Variants in ATRN observed in about 807,000 individuals in gnomAD.
The protein encoded by ATRN is attractin, also known as attractin-2.
Under a neutral mutation model 178.7 loss-of-function variants are expected in ATRN, and 54 were observed. The observed-to-expected ratio is 0.30, with a 90% CI of 0.24 to 0.38. ATRN has a LOEUF of 0.38. Ranked by LOEUF, ATRN falls within the 10% of genes least tolerant of loss-of-function variation. The pLI, the probability that ATRN is intolerant of heterozygous loss-of-function variation, is 1.00. For synonymous variants in ATRN, 636 were observed against 663.0 expected (o/e 0.96, Z 0.63); for missense variants, 1,443 against 1,815.1 (o/e 0.79, Z 3.73).
intron 1 of ATRN, among the ~76,000 whole-genome samples, chr20:3,495,037 A>G (rs927133151): frequency 6.6e-6 from 1 of 152,206 alleles, no homozygotes; most frequent in African/African-American, 2.4e-5. Flanking sequence ...TTATAATGTT[A>G]TATCATTTAT....
In ATRN at chr20:3,560,822, A is replaced by G; in HGVS notation, c.1364A>G (p.Lys455Arg). ...VGHSAHIVTL[K>R]NGRVVMLVIF... ...CACTCTGCACACATTGTTACACTGAAGAATGGCCGAGTGGTCATGCTGGTC... is the reference window on the plus strand; with the variant it reads ...CACTCTGCACACATTGTTACACTGAGGAATGGCCGAGTGGTCATGCTGGTC... Residue 455 changes from lysine to arginine, a missense_variant, in exon 8 of 29, where the codon AAG becomes AGG. By Grantham distance (26) the Lys-to-Arg change is conservative. Around this residue, in one of 4 missense-constraint regions of ATRN, gnomAD observed 862 missense variants for 972.1 expected, o/e 0.89. Coordinates refer to ENST00000262919, the MANE Select transcript of ATRN (RefSeq NM_139321.3). 1 of 1,614,206 alleles carries G rather than the reference A, an allele frequency of 6.2e-7. No individual in the cohort carries two copies.
chr20:3,471,356 C>CGCGGCGGCG lies in ATRN; in HGVS notation c.260_268dup (p.Ala87_Ala89dup). 6.7e-7 allele frequency: 1 copy of CGCGGCGGCG among 1,482,174 alleles called. No individual in the cohort carries two copies. Among genetic ancestry groups the CGCGGCGGCG allele is most frequent in the Non-Finnish European group, 8.9e-7 (1 of 1,125,612 alleles). The allele number at this position is 1,482,174 out of a possible 1,614,324, so 91.8% of individuals were successfully genotyped here. On this transcript the variant is annotated inframe_insertion, in exon 1 of 29. Transcript: ENST00000262919. ...TGCTGCTGCCCTGTGAGGCCGAGGC[C>CGCGGCGGCG]GCGGCGGCGGCGGCGGCGGTGTCGG...
intron 2 of ATRN, among the ~76,000 whole-genome samples, chr20:3,537,269 G>A (rs918685528): frequency 1.3e-5 from 2 of 152,104 alleles, no homozygotes; most frequent in Non-Finnish European, 2.9e-5. Context: ...CTTTGAAGTG[G>A]CAGGCTTGCT....
chr20:3,477,959 A>C (rs1395061184), intron 1 of ATRN, among the ~76,000 whole-genome samples: 1 of 152,208 alleles, frequency 6.6e-6, no homozygotes, highest in African/African-American at 2.4e-5. Context: ...TGAAAAAAAT[A>C]GTCTTTTTCT....
rs2146325231 is a variant in ATRN at position 3,638,928 on chromosome 20, G to A, written c.4043G>A (p.Ser1348Asn). ...DEEPPDLIGG[S>N]IKTVPKPIAL... ...GAGCCTCCTGATCTTATTGGGGGGA[G>A]TATAAAGGTGAGAATGTGACTCAGA... The change falls in exon 27 of 29, where the codon AGT (serine) becomes AAT (asparagine). Residue 1348 changes from serine to asparagine, a missense_variant. Transcript: ENST00000262919. The surrounding 1 kb of genome is among the most constrained non-coding windows in gnomAD (Gnocchi z 4.5). 1.2e-6 allele frequency: 2 copies of A among 1,613,576 alleles called. No individual in the cohort carries two copies. The highest frequency in any genetic ancestry group is 2.2e-5 in the East Asian group (1 of 44,850).
intron 24 of ATRN, among the ~76,000 whole-genome samples, chr20:3,615,643 C>T (rs1454819597): frequency 6.8e-6 from 1 of 146,168 alleles, no homozygotes; most frequent in South Asian, 2.2e-4. Flanking sequence ...GCAACATCTG[C>T]CTCCTGGGTT....
At chr20:3,620,184 C>T (rs2086885924) in intron 24 of ATRN, among the ~76,000 whole-genome samples, 1 of 151,784 alleles carries the variant, frequency 6.6e-6, no homozygotes, top group South Asian at 2.1e-4. Flanking sequence ...TCCTGAAATG[C>T]TAAAGAAATT....
intron 1 of ATRN, among the ~76,000 whole-genome samples, chr20:3,504,739 A>G (rs1028180544): frequency 3.5e-5 from 5 of 143,330 alleles, no homozygotes; most frequent in African/African-American, 7.8e-5. Flanking sequence ...TAATAATAAT[A>G]GACTGCCCCT....
intron 1 of ATRN, among the ~76,000 whole-genome samples, chr20:3,518,616 T>C (rs1332988211): frequency 6.6e-6 from 1 of 152,174 alleles, no homozygotes; most frequent in Non-Finnish European, 1.5e-5. Flanking sequence ...GAATTAAAGC[T>C]CAATAAAACT....
chr20:3,472,934 G>A (rs982535018), intron 1 of ATRN, among the ~76,000 whole-genome samples: 1 of 152,216 alleles, frequency 6.6e-6, no homozygotes, highest in Non-Finnish European at 1.5e-5. Context: ...TAGCAAAATT[G>A]TAGACTTAGG....
chr20:3,508,923 G>A (rs749106636), intron 1 of ATRN, among the ~76,000 whole-genome samples: 1 of 152,056 alleles, frequency 6.6e-6, no homozygotes, highest in African/African-American at 2.4e-5. Context: ...AGGGATGCAA[G>A]TTATAATTTC....
At chr20:3,549,626 A>T (rs1274409658) in intron 6 of ATRN, among the ~76,000 whole-genome samples, 1 of 152,176 alleles carries the variant, frequency 6.6e-6, no homozygotes, top group Non-Finnish European at 1.5e-5. Context: ...GGATTATTTT[A>T]TCTTTTAATT....
intron 19 of ATRN, 26 bp downstream of exon 19, chr20:3,591,332 C>G (rs745801968): frequency 6.2e-7 from 1 of 1,607,350 alleles, no homozygotes; most frequent in South Asian, 1.1e-5. Flanking sequence ...CAGGTTTACT[C>G]ATGGCAAATC....
At chr20:3,568,097 T>C (rs1300697492) in intron 11 of ATRN, among the ~76,000 whole-genome samples, 1 of 150,592 alleles carries the variant, frequency 6.6e-6, no homozygotes, top group Non-Finnish European at 1.5e-5. Flanking sequence ...AAGACTATCC[T>C]GGCTAACACT....
intron 7 of ATRN, 65 bp downstream of exon 7, chr20:3,559,548 A>G: frequency 7.4e-7 from 1 of 1,345,764 alleles, no homozygotes; most frequent in South Asian, 1.2e-5. Flanking sequence ...CATGTATTAC[A>G]TAGTTGAAAA....
chr20:3,570,420 T>A (rs78873392), intron 11 of ATRN, among the ~76,000 whole-genome samples: 5,027 of 152,290 alleles, frequency 0.033, 291 homozygotes, highest in African/African-American at 0.11. Context: ...TTTGGCAAGA[T>A]CACTTCATAG....
chr20:3,575,874 A>C lies in ATRN; in HGVS notation c.2140A>C (p.Thr714Pro), dbSNP rs79234920. The change falls in exon 13 of 29, where the codon ACA (threonine) becomes CCA (proline). Residue 714 changes from threonine to proline, a missense_variant. Coordinates refer to ENST00000262919, the MANE Select transcript of ATRN (RefSeq NM_139321.3). ...CDQHTDCYSC[T>P]ANTNDCHWCN... ...CCAGCACACAGATTGTTACAGCTGC[A>C]CAGCCAACACCAATGACTGCCACTG... 15 of 1,614,132 alleles carry C rather than the reference A, an allele frequency of 9.3e-6. No homozygotes were observed. Among genetic ancestry groups the C allele is most frequent in the Non-Finnish European group, 1.3e-5 (15 of 1,180,008 alleles).
chr20:3,530,109 G>A (rs923666616), intron 1 of ATRN, among the ~76,000 whole-genome samples: 3 of 150,866 alleles, frequency 2.0e-5, no homozygotes, highest in East Asian at 3.9e-4. Context: ...CATCATAAAA[G>A]GCATATTTTA....
chr20:3,504,688 GATAATAATAATAATA>G (rs60176330), intron 1 of ATRN, among the ~76,000 whole-genome samples: 1,560 of 135,914 alleles, frequency 0.011, 31 homozygotes, highest in African/African-American at 0.035. Context: ...TCTGTCTTAA[GATAATAATAATAATA>G]ATAATAATAA....
Sources: gnomAD v4.1 joint callset for allele counts (sites outside exome capture counted in the v4.1 genomes callset) on GRCh38, gnomAD v4.1.1 for gene constraint, gnomAD v4.1.1 regional missense constraint, Gnocchi (gnomAD v3.1) non-coding constraint, MANE v1.5 for transcripts, NCBI Gene and HGNC (gene_info 2026-07-23, HGNC 2026-07-21) for gene names.